RASSF2: variants seen among roughly 807,000 people sequenced by gnomAD.
The protein encoded by RASSF2 is ras association domain-containing protein 2.
A neutral mutation model predicts 46.3 loss-of-function variants in RASSF2; 34 were observed. The observed-to-expected ratio is 0.73, with a 90% confidence interval of 0.56 to 0.98. The LOEUF (loss-of-function observed/expected upper bound fraction) is 0.98. Among genes scored for constraint, RASSF2 ranks in the 50% least tolerant of loss-of-function variants. RASSF2 has a pLI of 0.00. For missense variants in RASSF2, 364 were observed against 431.2 expected (o/e 0.84, Z 1.38); for synonymous variants, 158 against 162.5 (o/e 0.97, Z 0.21).
intron 5 of RASSF2, 27 bp from the exon 6 acceptor site, chr20:4,792,654 G>C (rs6133164): frequency 8.9e-5 from 143 of 1,612,018 alleles, no homozygotes; most frequent in Admixed American, 1.2e-4. Context: ...CAAAGGGGAG[G>C]GGGGAGACTA....
Position 4,790,484 on chromosome 20 carries a change from G to A in RASSF2, c.504C>T (p.Arg168=), listed in dbSNP as rs1287007779. The A allele has an allele frequency of 4.7e-6, 7 of 1,503,978 alleles. No homozygotes were observed. The highest frequency in any genetic ancestry group is 6.2e-6 in the Non-Finnish European group (7 of 1,130,352). The allele number at this position is 1,503,978 out of a possible 1,614,324, so 93.2% of individuals were successfully genotyped here. A position where few individuals can be genotyped will look rare whatever the true frequency, so the allele number is the denominator to read the frequency against. The change falls in exon 7 of 12, where the codon CGC becomes CGT. Residue 168 remains arginine (R), a synonymous_variant. Coordinates refer to ENST00000379400, the MANE Select transcript of RASSF2 (RefSeq NM_014737.3). This position sits in a 1 kb window ranked among gnomAD's most constrained non-coding sequence, Gnocchi z 4.3. ...TGTAGAAATGGCCGTTGATGGAGAAGCGGTGGCGTCTGATTCGCCGCTGGT... is the reference window on the plus strand; with the variant it reads ...TGTAGAAATGGCCGTTGATGGAGAAACGGTGGCGTCTGATTCGCCGCTGGT... ...PSDQRRIRRH[R]FSINGHFYNH... is the part of the protein sequence containing the mutation.
intron 1 of RASSF2, 64 bp from the exon 2 acceptor site, chr20:4,822,467 C>G (rs1187192648): frequency 6.6e-6 from 1 of 152,280 alleles, no homozygotes; most frequent in Non-Finnish European, 1.5e-5. Flanking sequence ...ATCACTGAGG[C>G]GCAGAGGTGC....
intron 5 of RASSF2, among the ~76,000 whole-genome samples, chr20:4,793,760 A>T (rs767818859): frequency 1.3e-5 from 2 of 152,052 alleles, no homozygotes; most frequent in African/African-American, 4.8e-5. Flanking sequence ...GATTATAGGC[A>T]CGATCCACCA....
In RASSF2 at chr20:4,783,357, C is replaced by T. The variant is rs1535381; in HGVS notation, c.*916G>A. On this transcript the variant is annotated 3_prime_UTR_variant, in exon 12 of 12. Transcript: ENST00000379400. ...CCACCAGGCCACCAGGCCCTGGCCA[C>T]ACTAGCTGGTCAGCACTGTGTACGC... 84,279 of 152,192 alleles carry T rather than the reference C, an allele frequency of 0.55. 23,360 individuals carry two copies. The highest frequency in any genetic ancestry group is 0.57 in the Non-Finnish European group (39,052 of 68,006). The allele number at this position is 152,192 out of a possible 1,614,324, so 9.4% of individuals were successfully genotyped here.
chr20:4,817,114 A>G (rs1928380280), intron 2 of RASSF2, among the ~76,000 whole-genome samples: 1 of 152,098 alleles, frequency 6.6e-6, no homozygotes, highest in Admixed American at 6.6e-5. Flanking sequence ...TCAAAAATAC[A>G]TATATATCAT....
chr20:4,803,660 G>A (rs187534598), intron 2 of RASSF2, among the ~76,000 whole-genome samples: 21 of 152,180 alleles, frequency 1.4e-4, no homozygotes, highest in Admixed American at 7.9e-4. Flanking sequence ...GGGAGTCTAA[G>A]GTAGGAGGAT....
chr20:4,792,875 T>C (rs1449423537), intron 5 of RASSF2: 4 of 630,844 alleles, frequency 6.3e-6, no homozygotes, highest in Non-Finnish European at 1.0e-5. Flanking sequence ...GATGTTCTTT[T>C]GCAGCAACTG....
chr20:4,787,690 C>T lies in RASSF2; in HGVS notation c.756G>A (p.Glu252=), dbSNP rs1568563263. The T allele has an allele frequency of 6.2e-7, 1 of 1,614,162 alleles. No individual in the cohort carries two copies. The highest frequency in any genetic ancestry group is 2.2e-5 in the East Asian group (1 of 44,872). The part of the protein sequence containing the change: ...LIARILQGPC[E]QISKVFLMEK... ...CCATTAGGAACACTTTGGAGATCTG[C>T]TCACATGGGCCCTGGAGGATTCGGG... The change falls in exon 10 of 12, where the codon GAG becomes GAA. Residue 252 remains glutamate, a synonymous_variant. Transcript: ENST00000379400.
intron 11 of RASSF2, among the ~76,000 whole-genome samples, chr20:4,785,170 A>AG (rs1287072891): frequency 1.3e-5 from 2 of 151,352 alleles, no homozygotes; most frequent in Non-Finnish European, 2.9e-5. Context: ...AAAAAAAAAA[A>AG]AAAAGAAAGA....
At chr20:4,815,499 A>G (rs1601138846) in intron 2 of RASSF2, among the ~76,000 whole-genome samples, 1 of 152,188 alleles carries the variant, frequency 6.6e-6, no homozygotes, top group African/African-American at 2.4e-5. Context: ...CCAGCCCTAC[A>G]GCCACTGGGA....
At chr20:4,814,722 CCAA>C (rs1410993310) in intron 2 of RASSF2, among the ~76,000 whole-genome samples, 1 of 152,202 alleles carries the variant, frequency 6.6e-6, no homozygotes, top group Non-Finnish European at 1.5e-5. Context: ...GTTAACGCAT[CCAA>C]CAACGTGTGC....
chr20:4,794,162 C>T (rs538606153), intron 5 of RASSF2, among the ~76,000 whole-genome samples: 24 of 152,288 alleles, frequency 1.6e-4, no homozygotes, highest in African/African-American at 5.5e-4. Flanking sequence ...TGGTGGCTCA[C>T]ACCTGTAATC....
chr20:4,804,431 A>G (rs908320266), intron 2 of RASSF2, among the ~76,000 whole-genome samples: 1 of 134,250 alleles, frequency 7.4e-6, no homozygotes, highest in Non-Finnish European at 1.5e-5. Context: ...TCTGCCTCCC[A>G]GGTTCAAGCA....
chr20:4,803,665 G>A (rs562654753), intron 2 of RASSF2, among the ~76,000 whole-genome samples: 2 of 152,238 alleles, frequency 1.3e-5, no homozygotes, highest in African/African-American at 4.8e-5. Flanking sequence ...TCTAAGGTAG[G>A]AGGATTGCTT....
Position 4,786,104 on chromosome 20 carries a change from C to T in RASSF2, c.911+127G>A. ...GAAATCCAGGTTTGTCAATGGGCAG[C>T]CCTCCAAAGAAAGCCGAGACTCAGG... On this transcript the variant is annotated intron_variant, in intron 11 of 11. Transcript: ENST00000379400. The T allele has an allele frequency of 8.0e-6, 6 of 749,474 alleles. No individual in the cohort carries two copies. The South Asian group carries it at 8.2e-5, about 10-fold the overall frequency. The allele number at this position is 749,474 out of a possible 1,614,324, so 46.4% of individuals were successfully genotyped here.
chr20:4,782,602 C>G lies in RASSF2; in HGVS notation c.*1671G>C, dbSNP rs1274078452. On this transcript the variant is annotated 3_prime_UTR_variant, in exon 12 of 12. Coordinates refer to ENST00000379400, the MANE Select transcript of RASSF2 (RefSeq NM_014737.3). ...GGGCCGCATGCCATCTTTCTGCAGTCTACGTTAAGACCACAGCTGTGAGCC... is the reference window on the plus strand; with the variant it reads ...GGGCCGCATGCCATCTTTCTGCAGTGTACGTTAAGACCACAGCTGTGAGCC... 1 of 152,286 alleles carries G rather than the reference C, an allele frequency of 6.6e-6. No individual in the cohort carries two copies. The highest frequency in any genetic ancestry group is 2.4e-5 in the African/African-American group (1 of 41,466). 9.4% of individuals were successfully genotyped at this position (152,286 alleles called of 1,614,324 possible). A position where few individuals can be genotyped will look rare whatever the true frequency, so the allele number is the denominator to read the frequency against.
chr20:4,790,502 C>A lies in RASSF2; in HGVS notation c.486G>T (p.Arg162=). ...TGGAGAAGCGGTGGCGTCTGATTCGCCGCTGGTCACTAGGCGTCCTCACAT... is the reference window on the plus strand; with the variant it reads ...TGGAGAAGCGGTGGCGTCTGATTCGACGCTGGTCACTAGGCGTCCTCACAT... The part of the protein sequence containing the change: ...RGNVRTPSDQ[R]RIRRHRFSIN... Residue 162 remains arginine, a synonymous_variant, in exon 7 of 12, where the codon CGG becomes CGT. Coordinates refer to ENST00000379400, the MANE Select transcript of RASSF2 (RefSeq NM_014737.3). The surrounding 1 kb of genome is among the most constrained non-coding windows in gnomAD (Gnocchi z 4.3). The A allele has an allele frequency of 6.6e-7, 1 of 1,523,992 alleles. No homozygotes were observed. The highest frequency in any genetic ancestry group is 1.3e-5 in the South Asian group (1 of 79,042). The allele number at this position is 1,523,992 out of a possible 1,614,324, so 94.4% of individuals were successfully genotyped here.
chr20:4,800,639 C>T (rs1245062408), intron 3 of RASSF2, among the ~76,000 whole-genome samples: 1 of 152,128 alleles, frequency 6.6e-6, no homozygotes, highest in Non-Finnish European at 1.5e-5. Flanking sequence ...GGGGGAGACA[C>T]AAACATTCAG....
chr20:4,799,766 C>T (rs1466113615), intron 3 of RASSF2, among the ~76,000 whole-genome samples: 1 of 152,196 alleles, frequency 6.6e-6, no homozygotes, highest in Admixed American at 6.5e-5. Flanking sequence ...GTCAAGTGTG[C>T]CTAAGGACTT....
Sources: allele counts gnomAD v4.1 joint callset (sites outside exome capture counted in the v4.1 genomes callset), GRCh38; gene constraint gnomAD v4.1.1; non-coding constraint Gnocchi (gnomAD v3.1); transcripts MANE v1.5; gene names NCBI Gene and HGNC (gene_info 2026-07-23, HGNC 2026-07-21).